PRDM16: variants seen among roughly 807,000 people sequenced by gnomAD.
PRDM16 encodes the protein histone-lysine N-methyltransferase PRDM16.
PRDM16 carries 23 observed loss-of-function variants against 110.6 expected under a neutral mutation model. The observed-to-expected ratio is 0.21, with a 90% CI of 0.15 to 0.29. The LOEUF is 0.29. PRDM16 is among the 10% of genes least tolerant of loss of function. The pLI, the probability that PRDM16 is intolerant of heterozygous loss-of-function variation, is 1.00. For synonymous variants in PRDM16, 799 were observed against 781.8 expected, an observed-to-expected ratio of 1.02 and a Z score of -0.37; for missense variants, 1,615 against 1,794.3, an observed-to-expected ratio of 0.90 and a Z score of 1.81.
At chr1:3,381,278 G>A (rs1370492553) in intron 3 of PRDM16, among the ~76,000 whole-genome samples, 8 of 152,214 alleles carry the variant, frequency 5.3e-5, no homozygotes, top group African/African-American at 1.9e-4. Context: ...ATGCACGCCT[G>A]GATGGCGAGG....
At chr1:3,198,131 CG>C (rs36121869) in intron 2 of PRDM16, among the ~76,000 whole-genome samples, 6 of 152,200 alleles carry the variant, frequency 3.9e-5, no homozygotes, top group African/African-American at 1.4e-4. Context: ...CTCCTGCACG[CG>C]GGTAGAATCT....
rs550692574 is a variant in PRDM16, at chr1:3,265,834, C to T, written c.438+21697C>T. Among the ~76,000 whole-genome samples, 1 of 152,132 alleles carries T rather than the reference C, an allele frequency of 6.6e-6. No individual in the cohort carries two copies. The highest frequency in any genetic ancestry group is 2.4e-5 in the African/African-American group (1 of 41,426). ...GCCCCCAGACCCTGCCTCAGTGGGT[C>T]GTGCCCAGGTCCTTCGCTCTCTATG... On this transcript the variant is annotated intron_variant, in intron 3 of 16. Coordinates refer to ENST00000270722, the MANE Select transcript of PRDM16 (RefSeq NM_022114.4). This position sits in a 1 kb window ranked among gnomAD's most constrained non-coding sequence, Gnocchi z 4.5.
rs1639787245 is a variant in PRDM16, at chr1:3,246,211, CG to C, written c.438+2075del. On this transcript the variant is annotated intron_variant, in intron 3 of 16. Coordinates refer to ENST00000270722, the MANE Select transcript of PRDM16 (RefSeq NM_022114.4). This position sits in a 1 kb window ranked among gnomAD's most constrained non-coding sequence, Gnocchi z 5.2. ...TCTTATATGTGTGGCCATTAGGTCTCGCTCAGTGTGGCCCAAGGTCATTCTT... is the reference window on the plus strand; with the variant it reads ...TCTTATATGTGTGGCCATTAGGTCTCCTCAGTGTGGCCCAAGGTCATTCTT... 6.6e-6 allele frequency among the ~76,000 whole-genome samples: 1 copy of C among 152,154 alleles called. No homozygotes were observed. Among genetic ancestry groups the C allele is most frequent in the Non-Finnish European group, 1.5e-5 (1 of 68,026 alleles).
chr1:3,177,960 G>A (rs1430604454), intron 1 of PRDM16, among the ~76,000 whole-genome samples: 3 of 152,216 alleles, frequency 2.0e-5, no homozygotes, highest in Non-Finnish European at 4.4e-5. Flanking sequence ...GGCCAGCACA[G>A]CTCCTTGGAG....
At chr1:3,222,935 A>C (rs1204574319) in intron 2 of PRDM16, among the ~76,000 whole-genome samples, 1 of 151,910 alleles carries the variant, frequency 6.6e-6, no homozygotes, top group Non-Finnish European at 1.5e-5. Flanking sequence ...TGGGTTGGGG[A>C]GCAAGACCAG....
At chr1:3,399,516 G>T (rs1053348211) in intron 5 of PRDM16, among the ~76,000 whole-genome samples, 5 of 152,138 alleles carry the variant, frequency 3.3e-5, no homozygotes, top group African/African-American at 1.2e-4. Flanking sequence ...CCAGGCTCAG[G>T]TGTGTCCTGT....
chr1:3,118,056 T>C (rs1643003986), intron 1 of PRDM16, among the ~76,000 whole-genome samples: 1 of 151,330 alleles, frequency 6.6e-6, no homozygotes, highest in Non-Finnish European at 1.5e-5. Flanking sequence ...TCATGCTGTG[T>C]GTGTACATGC....
chr1:3,165,547 GGA>G, intron 1 of PRDM16, among the ~76,000 whole-genome samples: 2 of 80,322 alleles, frequency 2.5e-5, no homozygotes, highest in African/African-American at 5.7e-5. Flanking sequence ...CTGGGCTCAG[GGA>G]CAGGGACTCA....
At chr1:3,184,013 C>G (rs1336715709) in intron 1 of PRDM16, among the ~76,000 whole-genome samples, 2 of 152,192 alleles carry the variant, frequency 1.3e-5, no homozygotes, top group Non-Finnish European at 2.9e-5. Flanking sequence ...CCCAATGTAC[C>G]TTTCTGCTGC....
At position 3,437,915 on chromosome 1, in the gene PRDM16, C is replaced by T. The variant is rs950088026; in HGVS notation, c.*4104C>T. The stretch of plus-strand genomic sequence containing the variant: ...CTGGTGTCAGAGTCGTAATTTAAAG[C>T]GTGTGTGTATATGGACTTTGTCCCT... On this transcript the variant is annotated 3_prime_UTR_variant, in exon 17 of 17. Coordinates refer to ENST00000270722, the MANE Select transcript of PRDM16 (RefSeq NM_022114.4). 3 of 219,894 alleles carry T rather than the reference C, an allele frequency of 1.4e-5. No individual in the cohort carries two copies. Among genetic ancestry groups the T allele is most frequent in the African/African-American group, 2.2e-5 (1 of 44,524 alleles). The allele number at this position is 219,894 out of a possible 1,614,324, so 13.6% of individuals were successfully genotyped here.
intron 3 of PRDM16, among the ~76,000 whole-genome samples, chr1:3,322,099 G>A (rs1641770025): frequency 6.6e-6 from 1 of 151,002 alleles, no homozygotes; most frequent in Admixed American, 6.6e-5. Flanking sequence ...TATGTGTGCG[G>A]CTCTGTGTGA....
chr1:3,118,372 G>T (rs1321886530), intron 1 of PRDM16, among the ~76,000 whole-genome samples: 1 of 152,186 alleles, frequency 6.6e-6, no homozygotes, highest in African/African-American at 2.4e-5. Context: ...CCCCCACCTG[G>T]CCCCTCGGAA....
At chr1:3,194,668 T>C (rs865779111) in intron 2 of PRDM16, among the ~76,000 whole-genome samples, 268 of 90,352 alleles carry the variant, frequency 3.0e-3, no homozygotes, top group Middle Eastern at 0.011. Flanking sequence ...CCCCGCCACA[T>C]GCCACCGTCT....
chr1:3,231,861 A>G (rs1639424995), intron 2 of PRDM16, among the ~76,000 whole-genome samples: 1 of 152,210 alleles, frequency 6.6e-6, no homozygotes, highest in South Asian at 2.1e-4. Context: ...CTCCGCCCCA[A>G]GAGAGTAAAG....
At chr1:3,302,236 C>T (rs1029320637) in intron 3 of PRDM16, among the ~76,000 whole-genome samples, 5 of 152,070 alleles carry the variant, frequency 3.3e-5, no homozygotes, top group East Asian at 1.9e-4. Context: ...CGAGATTTCC[C>T]GGGGTTGGTT....
intron 2 of PRDM16, among the ~76,000 whole-genome samples, chr1:3,195,353 A>G (rs935505997): frequency 1.3e-5 from 2 of 152,116 alleles, no homozygotes; most frequent in Admixed American, 6.5e-5. Context: ...ACGGGTATAT[A>G]AGGAATTTTA....
At chr1:3,369,346 A>G (rs531854121) in intron 3 of PRDM16, among the ~76,000 whole-genome samples, 14 of 152,314 alleles carry the variant, frequency 9.2e-5, no homozygotes, top group African/African-American at 3.1e-4. Flanking sequence ...TCTTAAGCAG[A>G]GTTCACGTCC....
At chr1:3,129,248 G>A (rs555865549) in intron 1 of PRDM16, among the ~76,000 whole-genome samples, 10 of 151,452 alleles carry the variant, frequency 6.6e-5, no homozygotes, top group South Asian at 4.2e-4. Flanking sequence ...ATGTGGGTGC[G>A]TGTGTGTGGG....
Position 3,290,073 on chromosome 1 carries a change from G to A in PRDM16, c.438+45936G>A, listed in dbSNP as rs1333679443. On this transcript the variant is annotated intron_variant, in intron 3 of 16. Coordinates refer to ENST00000270722, the MANE Select transcript of PRDM16 (RefSeq NM_022114.4). The surrounding 1 kb of genome is among the most constrained non-coding windows in gnomAD (Gnocchi z 4.8). ...GGTTTCTGGCTTTAAAAGTGTGCTC[G>A]TGAGCGCAGGGTGTTTTTCCTGAAT... 1.3e-5 allele frequency among the ~76,000 whole-genome samples: 2 copies of A among 152,156 alleles called. No homozygotes were observed. Among genetic ancestry groups the A allele is most frequent in the Admixed American group, 1.3e-4 (2 of 15,286 alleles).
Sources: allele counts gnomAD v4.1 joint callset (sites outside exome capture counted in the v4.1 genomes callset), GRCh38; gene constraint gnomAD v4.1.1; non-coding constraint Gnocchi (gnomAD v3.1); transcripts MANE v1.5; gene names NCBI Gene and HGNC (gene_info 2026-07-23, HGNC 2026-07-21).